Variants in FMNL3 observed in about 807,000 individuals in gnomAD.
FMNL3 encodes formin like 3, also known as formin-like protein 3.
FMNL3 carries 57 observed loss-of-function variants against 119.6 expected under a neutral mutation model. That is an observed-to-expected ratio of 0.48 (90% CI 0.39 to 0.59). The LOEUF (loss-of-function observed/expected upper bound fraction) is 0.59. Ranked by LOEUF, FMNL3 falls within the 20% of genes least tolerant of loss-of-function variation. FMNL3 has a pLI of 0.00. For missense variants in FMNL3, 1,053 were observed against 1,323.5 expected (o/e 0.80, Z 3.17); for synonymous variants, 491 against 507.3 (o/e 0.97, Z 0.43).
At position 49,642,970 on chromosome 12, in the gene FMNL3, G is replaced by C; in HGVS notation, c.*2845C>G. On this transcript the variant is annotated 3_prime_UTR_variant, in exon 26 of 26. Coordinates refer to ENST00000335154, the MANE Select transcript of FMNL3 (RefSeq NM_175736.5). The surrounding 1 kb of genome is among the most constrained non-coding windows in gnomAD (Gnocchi z 5.8). ...CTCCACACCAAAGGCCGAAAGCATG[G>C]CAGGAAAGGCAAGAAGCACCATCAC... 1.2e-6 allele frequency: 2 copies of C among 1,613,852 alleles called. No individual in the cohort carries two copies. Among genetic ancestry groups the C allele is most frequent in the Non-Finnish European group, 1.7e-6 (2 of 1,179,850 alleles).
chr12:49,661,902 A>G (rs956135475), intron 5 of FMNL3, 64 bp downstream of exon 5: 1 of 1,440,524 alleles, frequency 6.9e-7, no homozygotes, highest in Non-Finnish European at 9.8e-7. Context: ...TTCCTTATCA[A>G]AGTAGAATGG....
At chr12:49,676,105 C>A (rs1367346790) in intron 1 of FMNL3, among the ~76,000 whole-genome samples, 1 of 152,216 alleles carries the variant, frequency 6.6e-6, no homozygotes, top group Non-Finnish European at 1.5e-5. Context: ...GAGCTCCAAG[C>A]ATAATCACAT....
intron 1 of FMNL3, among the ~76,000 whole-genome samples, chr12:49,690,924 T>A (rs1298113706): frequency 6.6e-6 from 1 of 152,174 alleles, no homozygotes; most frequent in African/African-American, 2.4e-5. Flanking sequence ...GCACCTGTGG[T>A]CCCAGCTACC....
At chr12:49,686,356 CG>C (rs1367812566) in intron 1 of FMNL3, among the ~76,000 whole-genome samples, 2 of 151,616 alleles carry the variant, frequency 1.3e-5, no homozygotes, top group African/African-American at 4.8e-5. Flanking sequence ...CCGACGCAGG[CG>C]GATCACGAGG....
intron 5 of FMNL3, chr12:49,659,849 C>T (rs1943682052): frequency 4.1e-6 from 4 of 985,464 alleles, no homozygotes; most frequent in Non-Finnish European, 4.8e-6. Flanking sequence ...TTCTTGTCCT[C>T]TTCCTCCATG....
intron 16 of FMNL3, 98 bp downstream of exon 16, chr12:49,651,070 C>A: frequency 6.4e-7 from 1 of 1,558,928 alleles, no homozygotes; most frequent in Non-Finnish European, 8.7e-7. Flanking sequence ...AGCCTGGCCT[C>A]ACCCTGTCTG....
chr12:49,675,268 T>A (rs1385398707), intron 1 of FMNL3, among the ~76,000 whole-genome samples: 1 of 152,236 alleles, frequency 6.6e-6, no homozygotes, highest in Non-Finnish European at 1.5e-5. Context: ...AGTAAAAAGC[T>A]ACTGCCACAG....
chr12:49,646,814 C>T, intron 25 of FMNL3, 72 bp downstream of exon 25: 2 of 1,604,196 alleles, frequency 1.2e-6, no homozygotes, highest in Non-Finnish European at 1.7e-6. Flanking sequence ...GGGAGGAGAG[C>T]CCAAAGGGGT....
intron 1 of FMNL3, among the ~76,000 whole-genome samples, chr12:49,694,211 C>T (rs1050931475): frequency 1.3e-5 from 2 of 152,152 alleles, no homozygotes; most frequent in African/African-American, 2.4e-5. Context: ...TGAGCCACCA[C>T]GCCCAGCCTA....
chr12:49,644,326 C>G lies in FMNL3; in HGVS notation c.*1489G>C, dbSNP rs913177352. ...TAAAGTAACCCCACCCCCAGCACAC[C>G]ATTGTTGGCACCTCTCAAGGTTGCT... On this transcript the variant is annotated 3_prime_UTR_variant, in exon 26 of 26. Coordinates refer to ENST00000335154, the MANE Select transcript of FMNL3 (RefSeq NM_175736.5). The G allele has an allele frequency of 1.0e-6, 1 of 980,872 alleles. No individual in the cohort carries two copies. Among genetic ancestry groups the G allele is most frequent in the Non-Finnish European group, 1.5e-6 (1 of 645,246 alleles). The allele number at this position is 980,872 out of a possible 1,614,324, so 60.8% of individuals were successfully genotyped here. A position where few individuals can be genotyped will look rare whatever the true frequency, so the allele number is the denominator to read the frequency against.
Position 49,693,387 on chromosome 12 carries a change from G to GT in FMNL3, c.126+13667dup, listed in dbSNP as rs543275740. On this transcript the variant is annotated intron_variant, in intron 1 of 25. Coordinates refer to ENST00000335154, the MANE Select transcript of FMNL3 (RefSeq NM_175736.5). ...TTTGTTTGTTTTTTCACTTTTTGTT[G>GT]TTTTTTTTTTGAGATAGTCTCGCTC... Among the ~76,000 whole-genome samples, 889 of 147,818 alleles carry GT rather than the reference G, an allele frequency of 6.0e-3. 7 individuals carry two copies. Among genetic ancestry groups the GT allele is most frequent in the African/African-American group, 0.016 (643 of 40,380 alleles).
At chr12:49,704,112 T>C (rs894054307) in intron 1 of FMNL3, among the ~76,000 whole-genome samples, 2 of 152,144 alleles carry the variant, frequency 1.3e-5, no homozygotes, top group African/African-American at 2.4e-5. Flanking sequence ...TTTCATTAAA[T>C]CCACACAACA....
chr12:49,703,990 C>T (rs373909937), intron 1 of FMNL3, among the ~76,000 whole-genome samples: 106 of 152,088 alleles, frequency 7.0e-4, no homozygotes, highest in African/African-American at 2.3e-3. Flanking sequence ...ACCCCTTTTT[C>T]GGAACACAAG....
intron 1 of FMNL3, among the ~76,000 whole-genome samples, chr12:49,686,738 T>C (rs1420317091): frequency 6.6e-6 from 1 of 151,864 alleles, no homozygotes; most frequent in African/African-American, 2.4e-5. Flanking sequence ...ACACACAGAG[T>C]GACTTCAGGA....
chr12:49,637,251 C>G lies in FMNL3; in HGVS notation c.*8564G>C, dbSNP rs967158099. 1.4e-5 allele frequency: 8 copies of G among 586,416 alleles called. No individual in the cohort carries two copies. Among genetic ancestry groups the G allele is most frequent in the African/African-American group, 7.4e-5 (4 of 53,694 alleles). 36.3% of individuals were successfully genotyped at this position (586,416 alleles called of 1,614,324 possible). A position where few individuals can be genotyped will look rare whatever the true frequency, so the allele number is the denominator to read the frequency against. ...CTTTGCATCCCGGGACTGGCTTGTTCTCACCTTTTTGTTCTGTCCCTCTCT... is the reference window on the plus strand; with the variant it reads ...CTTTGCATCCCGGGACTGGCTTGTTGTCACCTTTTTGTTCTGTCCCTCTCT... On this transcript the variant is annotated 3_prime_UTR_variant, in exon 26 of 26. Transcript: ENST00000335154.
At position 49,643,844 on chromosome 12, in the gene FMNL3, G is replaced by C. The variant is rs769196078; in HGVS notation, c.*1971C>G. 6.2e-7 allele frequency: 1 copy of C among 1,614,188 alleles called. No homozygotes were observed. Among genetic ancestry groups the C allele is most frequent in the Admixed American group, 1.7e-5 (1 of 60,022 alleles). ...CTATCCACAGGAACTGAGGAGGTGG[G>C]CTCTGGACTCTTACAGAATAGTCCT... On this transcript the variant is annotated 3_prime_UTR_variant, in exon 26 of 26. Transcript: ENST00000335154.
At position 49,642,316 on chromosome 12, in the gene FMNL3, C is replaced by A; in HGVS notation, c.*3499G>T. 6.2e-7 allele frequency: 1 copy of A among 1,614,154 alleles called. No homozygotes were observed. On this transcript the variant is annotated 3_prime_UTR_variant, in exon 26 of 26. Transcript: ENST00000335154. This position sits in a 1 kb window ranked among gnomAD's most constrained non-coding sequence, Gnocchi z 5.8. Reference sequence around the variant, plus strand: ...GATGCGGCGCAGGGAAGCTGCCTTTCGAAGCATGCTGAGGCAGGCTGTGCC... The same window carrying A: ...GATGCGGCGCAGGGAAGCTGCCTTTAGAAGCATGCTGAGGCAGGCTGTGCC...
At position 49,644,477 on chromosome 12, in the gene FMNL3, G is replaced by T. The variant is rs1423255416; in HGVS notation, c.*1338C>A. On this transcript the variant is annotated 3_prime_UTR_variant, in exon 26 of 26. Coordinates refer to ENST00000335154, the MANE Select transcript of FMNL3 (RefSeq NM_175736.5). ...CAGTAGATAAAAGTGTGAGAGAAGGGGTCTCCAGGGAAGAGTCACAGGCTG... is the reference window on the plus strand; with the variant it reads ...CAGTAGATAAAAGTGTGAGAGAAGGTGTCTCCAGGGAAGAGTCACAGGCTG... The T allele has an allele frequency of 7.0e-6, 3 of 430,894 alleles. No homozygotes were observed. The Admixed American group carries it at 1.1e-4, about 15-fold the overall frequency. The allele number at this position is 430,894 out of a possible 1,614,324, so 26.7% of individuals were successfully genotyped here.
chr12:49,690,793 A>G lies in FMNL3; in HGVS notation c.126+16262T>C, dbSNP rs369304400. On this transcript the variant is annotated intron_variant, in intron 1 of 25. Coordinates refer to ENST00000335154, the MANE Select transcript of FMNL3 (RefSeq NM_175736.5). ...GCAAAAAGGAAACTATAGTTAAGAA[A>G]GTGGAGCTGGGCGCAGTGCCAGCAC... is the stretch of plus-strand genomic sequence containing the variant. Among the ~76,000 whole-genome samples, 103 of 152,386 alleles carry G rather than the reference A, an allele frequency of 6.8e-4. 1 individual carries two copies. In the South Asian group the frequency reaches 0.021, roughly 31 times the overall value.
Sources: allele counts gnomAD v4.1 joint callset (sites outside exome capture counted in the v4.1 genomes callset), GRCh38; gene constraint gnomAD v4.1.1; non-coding constraint Gnocchi (gnomAD v3.1); transcripts MANE v1.5; gene names NCBI Gene and HGNC (gene_info 2026-07-23, HGNC 2026-07-21).